Variants in TMEM260 observed in about 807,000 individuals in gnomAD.
The protein encoded by TMEM260 is transmembrane protein 260.
In TMEM260, 82 loss-of-function variants were observed where a neutral mutation model predicts 88.9. The observed-to-expected ratio is 0.92, with a 90% CI of 0.77 to 1.11. The LOEUF (loss-of-function observed/expected upper bound fraction) is 1.11. TMEM260 is among the 50% of genes least tolerant of loss of function. The pLI is 0.00. For missense variants in TMEM260, 902 were observed against 853.4 expected (o/e 1.06, Z -0.71); for synonymous variants, 314 against 309.3 (o/e 1.02, Z -0.16).
At chr14:56,604,512 T>C (rs1206170882) in intron 4 of TMEM260, among the ~76,000 whole-genome samples, 2 of 152,218 alleles carry the variant, frequency 1.3e-5, no homozygotes, top group Admixed American at 6.5e-5. Flanking sequence ...GAACCCTATC[T>C]TCTAAGAACT....
At position 56,649,462 on chromosome 14, in the gene TMEM260, TTC is replaced by T. The variant is rs945368269; in HGVS notation, c.*1969_*1970del. 1 of 152,140 alleles carries T rather than the reference TTC, an allele frequency of 6.6e-6. No individual in the cohort carries two copies. The highest frequency in any genetic ancestry group is 2.4e-5 in the African/African-American group (1 of 41,388). The allele number at this position is 152,140 out of a possible 1,614,324, so 9.4% of individuals were successfully genotyped here. On this transcript the variant is annotated 3_prime_UTR_variant, in exon 16 of 16. Coordinates refer to ENST00000261556, the MANE Select transcript of TMEM260 (RefSeq NM_017799.4). ...AAAGAAATTGTGTAAGATTATGATA[TTC>T]TCTTTTCTTTAAAAAAAAAAGTACA...
At chr14:56,650,259 G>T, downstream of TMEM260, 1 of 342,372 alleles carries the variant, frequency 2.9e-6, no homozygotes, top group South Asian at 2.3e-5. Flanking sequence ...ACTTCGGCCT[G>T]AAGAGCCAGT....
chr14:56,617,284 T>C lies in TMEM260; in HGVS notation c.1043T>C (p.Leu348Pro), dbSNP rs767364706. 2 of 1,592,434 alleles carry C rather than the reference T, an allele frequency of 1.3e-6. No individual in the cohort carries two copies. Among genetic ancestry groups the C allele is most frequent in the East Asian group, 4.6e-5 (2 of 43,826 alleles). ...WRANLDISKP[L>P]FMGVVERFWM... The stretch of plus-strand genomic sequence containing the variant: ...GCAAATTTAGATATTTCAAAACCAC[T>C]TTTCATGGGTGTGGTAAGTTTTACT... The change falls in exon 9 of 16, where the codon CTT (leucine) becomes CCT (proline). Residue 348 changes from leucine (L) to proline (P), a missense_variant. Transcript: ENST00000261556.
chr14:56,635,766 T>C lies in TMEM260; in HGVS notation c.1779-742T>C, dbSNP rs117548931. 2.8e-4 allele frequency among the ~76,000 whole-genome samples: 42 copies of C among 152,310 alleles called. No homozygotes were observed. The East Asian group carries it at 6.2e-3, about 22-fold the overall frequency. Reference sequence around the variant, plus strand: ...GGACTGTGTGCACTGAGAACAGTTATGATATAAAGAGCTTATATAAGTTTA... The same window carrying C: ...GGACTGTGTGCACTGAGAACAGTTACGATATAAAGAGCTTATATAAGTTTA... On this transcript the variant is annotated intron_variant, in intron 14 of 15. Transcript: ENST00000261556.
rs1400457823 is a variant in TMEM260, at chr14:56,618,528, T to C, written c.1057-66T>C. 8 of 1,462,572 alleles carry C rather than the reference T, an allele frequency of 5.5e-6. No individual in the cohort carries two copies. The African/African-American group carries it at 7.1e-5, about 13-fold the overall frequency. The allele number at this position is 1,462,572 out of a possible 1,614,324, so 90.6% of individuals were successfully genotyped here. ...GTGCATGCAGCATATTTAAAAAATA[T>C]ATGAGGAGCTGATTGATAGCATTAA... On this transcript the variant is annotated intron_variant, in intron 9 of 15. Coordinates refer to ENST00000261556, the MANE Select transcript of TMEM260 (RefSeq NM_017799.4).
chr14:56,591,481 A>G (rs529735286), intron 3 of TMEM260, among the ~76,000 whole-genome samples: 2 of 152,308 alleles, frequency 1.3e-5, no homozygotes, highest in South Asian at 4.1e-4. Context: ...TAACATTCTA[A>G]GAATTACGTA....
intron 1 of TMEM260, among the ~76,000 whole-genome samples, chr14:56,584,412 A>C (rs1213687332): frequency 6.6e-6 from 1 of 152,184 alleles, no homozygotes; most frequent in African/African-American, 2.4e-5. Flanking sequence ...GAGGAACTAT[A>C]AAGGACTATG....
intron 15 of TMEM260, chr14:56,638,395 C>CTTGTAA (rs1338627094): frequency 6.6e-6 from 1 of 151,874 alleles, no homozygotes; most frequent in African/African-American, 2.4e-5. Context: ...TCTCTAATAC[C>CTTGTAA]TTGTAATTCT....
Position 56,634,952 on chromosome 14 carries a change from G to A in TMEM260, c.1778G>A (p.Arg593Lys), listed in dbSNP as rs1168689785. The A allele has an allele frequency of 1.2e-6, 2 of 1,613,994 alleles. No homozygotes were observed. The highest frequency in any genetic ancestry group is 1.7e-6 in the Non-Finnish European group (2 of 1,179,886). ...SVANEEMWQA[R>K]MKTPFFIFNL... Reference sequence around the variant, plus strand: ...GCCAATGAAGAAATGTGGCAAGCGAGGTGACTATTCTACATTTTTGTGTGT... The same window carrying A: ...GCCAATGAAGAAATGTGGCAAGCGAAGTGACTATTCTACATTTTTGTGTGT... The change falls in exon 14 of 16, where the codon AGG becomes AAG. Residue 593 changes from arginine (R) to lysine (K), a missense_variant and splice_region_variant. Coordinates refer to ENST00000261556, the MANE Select transcript of TMEM260 (RefSeq NM_017799.4).
At chr14:56,593,677 CTTTTTTT>C (rs34268894) in intron 3 of TMEM260, among the ~76,000 whole-genome samples, 6 of 63,506 alleles carry the variant, frequency 9.4e-5, no homozygotes, top group Admixed American at 2.4e-4. Flanking sequence ...AGGTGAGTGT[CTTTTTTT>C]TTTTTTTTTT....
At position 56,647,523 on chromosome 14, in the gene TMEM260, C is replaced by T. The variant is rs760399390; in HGVS notation, c.*26C>T. 4.5e-6 allele frequency: 7 copies of T among 1,554,650 alleles called. No homozygotes were observed. The highest frequency in any genetic ancestry group is 6.1e-6 in the Non-Finnish European group (7 of 1,156,646). On this transcript the variant is annotated 3_prime_UTR_variant, in exon 16 of 16. Coordinates refer to ENST00000261556, the MANE Select transcript of TMEM260 (RefSeq NM_017799.4). ...GACAGCAAAATATGAAAAACCTGCT[C>T]ATCGTTCAGCTTCCAAAATTCTGAA...
chr14:56,599,748 A>T (rs2139540055), intron 3 of TMEM260, among the ~76,000 whole-genome samples: 1 of 152,310 alleles, frequency 6.6e-6, no homozygotes, highest in East Asian at 1.9e-4. Flanking sequence ...GATTTGGAAG[A>T]CTTAGCTGAA....
chr14:56,619,045 C>T (rs1221633577), intron 10 of TMEM260, among the ~76,000 whole-genome samples: 1 of 152,248 alleles, frequency 6.6e-6, no homozygotes, highest in East Asian at 1.9e-4. Flanking sequence ...TTTAGAATCC[C>T]TAGTATAGGT....
At chr14:56,591,489 G>A (rs759773275) in intron 3 of TMEM260, among the ~76,000 whole-genome samples, 2 of 152,078 alleles carry the variant, frequency 1.3e-5, no homozygotes, top group African/African-American at 4.8e-5. Flanking sequence ...TAAGAATTAC[G>A]TAGCATCTTC....
At chr14:56,646,247 G>C (rs1352952258) in intron 15 of TMEM260, among the ~76,000 whole-genome samples, 2 of 152,236 alleles carry the variant, frequency 1.3e-5, no homozygotes, top group African/African-American at 4.8e-5. Context: ...GTATGCATTT[G>C]TTTGCCCTGG....
downstream of TMEM260, among the ~76,000 whole-genome samples, chr14:56,654,814 CAAAAAAAAAAAA>C (rs750160414): frequency 2.1e-4 from 11 of 51,790 alleles, no homozygotes; most frequent in African/African-American, 4.0e-4. Context: ...AACTCCATCT[CAAAAAAAAAAAA>C]AAAAAAAAAA....
chr14:56,641,506 C>T (rs1889591809), intron 15 of TMEM260, among the ~76,000 whole-genome samples: 1 of 152,114 alleles, frequency 6.6e-6, no homozygotes, highest in Admixed American at 6.5e-5. Context: ...AAAAGAGCTC[C>T]TGAAAGAAGC....
Position 56,618,615 on chromosome 14 carries a change from A to G in TMEM260, c.1078A>G (p.Ser360Gly). Residue 360 changes from serine to glycine, a missense_variant, in exon 10 of 16, where the codon AGC (serine) becomes GGC (glycine). Physicochemically the swap from Ser to Gly is moderately conservative, Grantham distance 56. Coordinates refer to ENST00000261556, the MANE Select transcript of TMEM260 (RefSeq NM_017799.4). The part of the protein sequence containing the change: ...MGVVERFWMQ[S>G]NAVVAVLAGI... ...ACAGGTGGAACGATTCTGGATGCAG[A>G]GCAATGCAGTAGTGGCCGTCCTCGC... 1 of 1,614,148 alleles carries G rather than the reference A, an allele frequency of 6.2e-7. No individual in the cohort carries two copies. Among genetic ancestry groups the G allele is most frequent in the Non-Finnish European group, 8.5e-7 (1 of 1,180,020 alleles).
At chr14:56,593,254 G>A (rs1370343689) in intron 3 of TMEM260, 1 of 151,988 alleles carries the variant, frequency 6.6e-6, no homozygotes, top group Admixed American at 6.5e-5. Flanking sequence ...GCTCACATTT[G>A]ATGCTTAATA....
Sources: gnomAD v4.1 joint callset for allele counts (sites outside exome capture counted in the v4.1 genomes callset) on GRCh38, gnomAD v4.1.1 for gene constraint, MANE v1.5 for transcripts, NCBI Gene and HGNC (gene_info 2026-07-23, HGNC 2026-07-21) for gene names.